SNX30: variants seen among roughly 807,000 people sequenced by gnomAD.
The protein encoded by SNX30 is sorting nexin-30.
In SNX30, 24 loss-of-function variants were observed where a neutral mutation model predicts 46.4. The observed-to-expected ratio is 0.52, with a 90% CI of 0.37 to 0.73. The LOEUF (loss-of-function observed/expected upper bound fraction) is 0.73, where lower values mean the gene tolerates loss of function less well. SNX30 is among the 30% of genes least tolerant of loss of function. SNX30 has a pLI of 0.00. For synonymous variants in SNX30, 189 were observed against 211.5 expected (o/e 0.89, Z 0.92); for missense variants, 533 against 555.7 (o/e 0.96, Z 0.41).
At chr9:112,825,135 T>A (rs1424418713) in intron 3 of SNX30, among the ~76,000 whole-genome samples, 1 of 152,234 alleles carries the variant, frequency 6.6e-6, no homozygotes, top group East Asian at 1.9e-4. Context: ...ATATAGTAAT[T>A]CTGTGTTTAA....
intron 3 of SNX30, among the ~76,000 whole-genome samples, chr9:112,821,304 A>G (rs1840489270): frequency 1.3e-5 from 2 of 152,120 alleles, no homozygotes; most frequent in African/African-American, 2.4e-5. Context: ...GGGCATTTGC[A>G]TATCTTCCTT....
In SNX30 at chr9:112,830,900, A is replaced by G; in HGVS notation, c.618+17A>G. The G allele has an allele frequency of 6.3e-7, 1 of 1,597,440 alleles. No homozygotes were observed. ...ACTGCTAAGGTAAGGGCAGAAATTTACATCCTCTTCGTCCATATTACCATT... is the reference window on the plus strand; with the variant it reads ...ACTGCTAAGGTAAGGGCAGAAATTTGCATCCTCTTCGTCCATATTACCATT... On this transcript the variant is annotated intron_variant, in intron 4 of 8. Coordinates refer to ENST00000374232, the MANE Select transcript of SNX30 (RefSeq NM_001012994.2).
intron 7 of SNX30, among the ~76,000 whole-genome samples, chr9:112,851,457 C>G (rs1211229447): frequency 6.6e-6 from 1 of 152,164 alleles, no homozygotes; most frequent in Non-Finnish European, 1.5e-5. Flanking sequence ...TTCTGCACGG[C>G]AGGACTACAG....
chr9:112,856,219 G>A (rs1042767029), intron 7 of SNX30, among the ~76,000 whole-genome samples: 11 of 151,970 alleles, frequency 7.2e-5, no homozygotes, highest in African/African-American at 2.7e-4. Context: ...CTGGGTGGGT[G>A]CCAGATGAAG....
intron 3 of SNX30, among the ~76,000 whole-genome samples, chr9:112,827,733 A>G (rs914893544): frequency 6.6e-6 from 1 of 152,110 alleles, no homozygotes; most frequent in African/African-American, 2.4e-5. Flanking sequence ...TTGCCATATT[A>G]TGGGGGTTTG....
In SNX30 at chr9:112,849,757, C is replaced by T. The variant is rs543474880; in HGVS notation, c.1015-1102C>T. ...AGCACAGGCAGGGATATGGGGTGCCCGTGCTTAGCCAAGGAGTGACTCCTT... is the reference window on the plus strand; with the variant it reads ...AGCACAGGCAGGGATATGGGGTGCCTGTGCTTAGCCAAGGAGTGACTCCTT... On this transcript the variant is annotated intron_variant, in intron 6 of 8. Coordinates refer to ENST00000374232, the MANE Select transcript of SNX30 (RefSeq NM_001012994.2). Among the ~76,000 whole-genome samples, 316 of 152,272 alleles carry T rather than the reference C, an allele frequency of 2.1e-3. 1 individual carries two copies. The highest frequency in any genetic ancestry group is 7.2e-3 in the African/African-American group (298 of 41,564).
intron 5 of SNX30, 66 bp from the exon 6 acceptor site, chr9:112,838,432 A>T: frequency 7.2e-7 from 1 of 1,383,262 alleles, no homozygotes; most frequent in Non-Finnish European, 1.0e-6. Flanking sequence ...TGTGGTGATT[A>T]CTGAGTCAGT....
chr9:112,833,672 G>A (rs551367891), intron 4 of SNX30, among the ~76,000 whole-genome samples: 197 of 152,232 alleles, frequency 1.3e-3, no homozygotes, highest in Non-Finnish European at 2.1e-3. Context: ...ACGGGGACAC[G>A]CTTTCAAAGC....
chr9:112,758,670 A>G (rs1220484639), intron 1 of SNX30, among the ~76,000 whole-genome samples: 2 of 152,176 alleles, frequency 1.3e-5, no homozygotes, highest in African/African-American at 4.8e-5. Flanking sequence ...TGCTGAGGTT[A>G]CAGTTGTGAG....
chr9:112,765,852 G>A (rs1839528198), intron 1 of SNX30, among the ~76,000 whole-genome samples: 1 of 152,066 alleles, frequency 6.6e-6, no homozygotes, highest in Non-Finnish European at 1.5e-5. Flanking sequence ...TGCCCAGGCT[G>A]GAGTGCAGTG....
At chr9:112,807,049 TATC>T (rs1357454590) in intron 2 of SNX30, among the ~76,000 whole-genome samples, 7 of 108,658 alleles carry the variant, frequency 6.4e-5, no homozygotes, top group African/African-American at 1.7e-4. Flanking sequence ...TTTTCTTTTC[TATC>T]TTTTTTTTTT....
intron 1 of SNX30, among the ~76,000 whole-genome samples, chr9:112,778,107 A>G (rs1004093251): frequency 1.9e-4 from 29 of 152,084 alleles, no homozygotes; most frequent in African/African-American, 6.3e-4. Flanking sequence ...TGGAGTGCCT[A>G]TGTGTGACAT....
At chr9:112,750,745 T>C (rs1260168994), upstream of SNX30, 1 of 150,076 alleles carries the variant, frequency 6.7e-6, no homozygotes, top group African/African-American at 2.5e-5. Context: ...GGTGTGGCTG[T>C]GTGGGCTGGG....
intron 1 of SNX30, 55 bp downstream of exon 1, chr9:112,751,212 A>G: frequency 7.4e-7 from 1 of 1,348,772 alleles, no homozygotes; most frequent in Admixed American, 2.9e-5. Context: ...CGTGGGGGGG[A>G]TGATGGATCC....
intron 8 of SNX30, among the ~76,000 whole-genome samples, chr9:112,864,624 G>A (rs551314786): frequency 2.0e-5 from 3 of 152,310 alleles, no homozygotes; most frequent in African/African-American, 7.2e-5. Context: ...ATGCTGCTGG[G>A]GAAGCAGCCC....
rs765778824 is a variant in SNX30, at chr9:112,857,787, TCCATCCAA to T, written c.1102-6452_1102-6445del. On this transcript the variant is annotated intron_variant, in intron 7 of 8. Transcript: ENST00000374232. ...ATGCATGCATCCATCCATCCATCCA[TCCATCCAA>T]CCATCCATCCATCCATCTATCTATT... 4.8e-3 allele frequency among the ~76,000 whole-genome samples: 726 copies of T among 151,852 alleles called. 7 individuals are homozygous for T. The highest frequency in any genetic ancestry group is 0.031 in the South Asian group (147 of 4,816).
chr9:112,849,664 G>A (rs990538163), intron 6 of SNX30, among the ~76,000 whole-genome samples: 1 of 152,140 alleles, frequency 6.6e-6, no homozygotes, highest in African/African-American at 2.4e-5. Context: ...GAGGTTTCCG[G>A]TATTGACACA....
chr9:112,763,639 A>G (rs1453411348), intron 1 of SNX30, among the ~76,000 whole-genome samples: 1 of 151,970 alleles, frequency 6.6e-6, no homozygotes, highest in Non-Finnish European at 1.5e-5. Flanking sequence ...TCACGAGGTC[A>G]GGAGATCGAG....
At chr9:112,778,310 T>C (rs1839781974) in intron 1 of SNX30, among the ~76,000 whole-genome samples, 1 of 148,118 alleles carries the variant, frequency 6.8e-6, no homozygotes. Flanking sequence ...TCTTGCTCTG[T>C]CACCCGGGCT....
Sources: allele counts gnomAD v4.1 joint callset (sites outside exome capture counted in the v4.1 genomes callset), GRCh38; gene constraint gnomAD v4.1.1; transcripts MANE v1.5; gene names NCBI Gene and HGNC (gene_info 2026-07-23, HGNC 2026-07-21).